BUB1B: variants seen among roughly 807,000 people sequenced by gnomAD.
The protein encoded by BUB1B is BUB1 mitotic checkpoint serine/threonine kinase B.
A neutral mutation model predicts 137.7 loss-of-function variants in BUB1B; 86 were observed. The ratio of observed to expected loss-of-function variants is 0.62; its 90% CI spans 0.52 to 0.75. The LOEUF is 0.75. BUB1B is among the 30% of genes least tolerant of loss of function. BUB1B has a pLI of 0.00. For synonymous variants in BUB1B, 420 were observed against 417.9 expected, an observed-to-expected ratio of 1.00 and a Z score of -0.06; for missense variants, 1,130 against 1,236.9, an observed-to-expected ratio of 0.91 and a Z score of 1.30.
At chr15:40,168,540 C>T (rs1327104131) in intron 2 of BUB1B, among the ~76,000 whole-genome samples, 2 of 152,126 alleles carry the variant, frequency 1.3e-5, no homozygotes, top group African/African-American at 4.8e-5. Flanking sequence ...CTTTAATTGC[C>T]ATATTAGCCT....
At chr15:40,175,473 T>C (rs1259813284) in intron 4 of BUB1B, among the ~76,000 whole-genome samples, 19 of 152,178 alleles carry the variant, frequency 1.2e-4, no homozygotes, top group Admixed American at 1.2e-3. Flanking sequence ...AGTATTATAG[T>C]GGAATAAAAG....
chr15:40,206,067 A>G, intron 14 of BUB1B, 117 bp from the exon 15 acceptor site: 1 of 1,042,108 alleles, frequency 9.6e-7, no homozygotes, highest in Non-Finnish European at 1.4e-6. Context: ...ATTTGCCTAG[A>G]TATTCTGATA....
At chr15:40,216,699 G>T (rs1037687627) in intron 20 of BUB1B, among the ~76,000 whole-genome samples, 1 of 151,068 alleles carries the variant, frequency 6.6e-6, no homozygotes, top group Non-Finnish European at 1.5e-5. Context: ...TGCCGTGGAG[G>T]TATGTAATTG....
intron 4 of BUB1B, among the ~76,000 whole-genome samples, chr15:40,176,133 T>G (rs1371825421): frequency 6.6e-6 from 1 of 152,136 alleles, no homozygotes; most frequent in Non-Finnish European, 1.5e-5. Flanking sequence ...AATTTTGTTG[T>G]AGAGACAGGG....
chr15:40,190,012 G>T, intron 8 of BUB1B, among the ~76,000 whole-genome samples: 1 of 152,146 alleles, frequency 6.6e-6, no homozygotes, highest in East Asian at 1.9e-4. Context: ...CTTCTTTGGA[G>T]AAATGACTGT....
chr15:40,220,619 G>C lies in BUB1B; in HGVS notation c.3013G>C (p.Asp1005His), dbSNP rs781600621. ...KFFVRILNAN[D>H]EATVSVLGEL... ...CTTTGTGCGGATTCTGAATGCCAAT[G>C]ATGAGGCCACAGTGTCTGTTCTTGG... Residue 1005 changes from aspartate to histidine, a missense_variant, in exon 23 of 23, where the codon GAT (aspartate) becomes CAT (histidine). By Grantham distance (81) the Asp-to-His change is moderately conservative. Coordinates refer to ENST00000287598, the MANE Select transcript of BUB1B (RefSeq NM_001211.6). The C allele has an allele frequency of 4.3e-6, 7 of 1,614,098 alleles. No homozygotes were observed. Among genetic ancestry groups the C allele is most frequent in the East Asian group, 2.2e-5 (1 of 44,896 alleles).
intron 20 of BUB1B, among the ~76,000 whole-genome samples, chr15:40,214,362 C>T (rs532682389): frequency 1.6e-4 from 25 of 152,158 alleles, no homozygotes; most frequent in Non-Finnish European, 2.9e-4. Context: ...ATTAACTAGG[C>T]AAAAACAGTC....
chr15:40,183,775 G>A lies in BUB1B; in HGVS notation c.643G>A (p.Glu215Lys). The change falls in exon 6 of 23, where the codon GAA becomes AAA. Residue 215 changes from glutamate (E) to lysine (K), a missense_variant. Glu to Lys is a moderately conservative substitution (Grantham distance 56, BLOSUM62 1). Coordinates refer to ENST00000287598, the MANE Select transcript of BUB1B (RefSeq NM_001211.6). ...LLALEKEEEE[E>K]VFESSVPQRS... The stretch of plus-strand genomic sequence containing the variant: ...GGCACTTGAGAAAGAAGAAGAGGAG[G>A]AAGTTTTTGAGTCTTCTGTACCACA... 1.2e-6 allele frequency: 2 copies of A among 1,614,082 alleles called. No homozygotes were observed. Among genetic ancestry groups the A allele is most frequent in the Non-Finnish European group, 1.7e-6 (2 of 1,179,968 alleles).
At chr15:40,174,648 C>T (rs1331842329) in intron 4 of BUB1B, among the ~76,000 whole-genome samples, 2 of 152,184 alleles carry the variant, frequency 1.3e-5, no homozygotes, top group Non-Finnish European at 2.9e-5. Flanking sequence ...CTAGTAGTAA[C>T]AGAACTCCTA....
intron 8 of BUB1B, among the ~76,000 whole-genome samples, chr15:40,195,433 G>T (rs2037486381): frequency 6.6e-6 from 1 of 152,138 alleles, no homozygotes. Context: ...GAATTATGCT[G>T]CTAAAATATG....
At chr15:40,173,576 T>C (rs1023234617) in intron 4 of BUB1B, among the ~76,000 whole-genome samples, 1 of 152,238 alleles carries the variant, frequency 6.6e-6, no homozygotes, top group African/African-American at 2.4e-5. Context: ...TGGTAACAAT[T>C]TGATATTGCC....
chr15:40,203,369 G>A (rs1050961455), intron 14 of BUB1B, among the ~76,000 whole-genome samples: 1 of 152,160 alleles, frequency 6.6e-6, no homozygotes, highest in East Asian at 1.9e-4. Context: ...CATGGATTGA[G>A]GTTTTCCAGG....
At chr15:40,183,431 A>C (rs1213090729) in intron 5 of BUB1B, among the ~76,000 whole-genome samples, 3 of 152,324 alleles carry the variant, frequency 2.0e-5, no homozygotes, top group South Asian at 2.1e-4. Flanking sequence ...TAGTCTTAAT[A>C]ACCCTAACCT....
chr15:40,219,403 G>A (rs1461059399), intron 22 of BUB1B, among the ~76,000 whole-genome samples: 1 of 151,956 alleles, frequency 6.6e-6, no homozygotes, highest in Admixed American at 6.6e-5. Flanking sequence ...CAGAACCTTA[G>A]TACTCCCTCA....
In BUB1B at chr15:40,173,289, A is replaced by C. The variant is rs201880174; in HGVS notation, c.384+2608A>C. Among the ~76,000 whole-genome samples, 4 of 144,238 alleles carry C rather than the reference A, an allele frequency of 2.8e-5. No individual in the cohort carries two copies. In the East Asian group the frequency reaches 7.9e-4, roughly 29 times the overall value. The allele number at this position is 144,238 out of a possible 152,430, so 94.6% of individuals were successfully genotyped here. ...ACAGAGCGAGACTCAGTCTCAGAAA[A>C]AAAGATAAAAAAAAAAAAAAAAAAA... On this transcript the variant is annotated intron_variant, in intron 4 of 22. Transcript: ENST00000287598.
intron 20 of BUB1B, 36 bp from the exon 21 acceptor site, chr15:40,217,460 A>T: frequency 6.2e-7 from 1 of 1,609,326 alleles, no homozygotes; most frequent in South Asian, 1.1e-5. Flanking sequence ...TTCATGGCCT[A>T]TTTTTATTAT....
At chr15:40,168,496 T>G (rs995183368) in intron 2 of BUB1B, among the ~76,000 whole-genome samples, 2 of 152,224 alleles carry the variant, frequency 1.3e-5, no homozygotes, top group African/African-American at 4.8e-5. Flanking sequence ...TTTTATTGTT[T>G]TACCATTTCT....
intron 4 of BUB1B, among the ~76,000 whole-genome samples, chr15:40,175,281 T>C (rs981583366): frequency 2.0e-5 from 3 of 152,122 alleles, no homozygotes; most frequent in Non-Finnish European, 4.4e-5. Flanking sequence ...GGAAGCTCTA[T>C]TAGATGAAAC....
intron 14 of BUB1B, among the ~76,000 whole-genome samples, chr15:40,203,928 G>A (rs2037606154): frequency 6.6e-6 from 1 of 152,210 alleles, no homozygotes; most frequent in Admixed American, 6.5e-5. Context: ...GTGAGCAGTA[G>A]CTTTAGTAAC....
Sources: allele counts gnomAD v4.1 joint callset (sites outside exome capture counted in the v4.1 genomes callset), GRCh38; gene constraint gnomAD v4.1.1; transcripts MANE v1.5; gene names NCBI Gene and HGNC (gene_info 2026-07-23, HGNC 2026-07-21).